The following WASL variants were observed in gnomAD, a reference collection of about 807,000 sequenced individuals.
WASL encodes WASP like actin nucleation promoting factor, also known as actin nucleation-promoting factor WASL.
A neutral mutation model predicts 55.5 loss-of-function variants in WASL; 20 were observed. The observed-to-expected ratio is 0.36, with a 90% CI of 0.25 to 0.52. The LOEUF (loss-of-function observed/expected upper bound fraction) is 0.52. WASL is among the 20% of genes least tolerant of loss of function. The pLI, the probability that WASL is intolerant of heterozygous loss-of-function variation, is 0.92. For synonymous variants in WASL, 249 were observed against 217.6 expected, an observed-to-expected ratio of 1.14 and a Z score of -1.27; for missense variants, 504 against 622.5, an observed-to-expected ratio of 0.81 and a Z score of 2.03.
intron 1 of WASL, among the ~76,000 whole-genome samples, chr7:123,748,340 C>G (rs913425144): frequency 6.6e-6 from 1 of 152,154 alleles, no homozygotes; most frequent in Non-Finnish European, 1.5e-5. Flanking sequence ...TAACCAGCAG[C>G]AAGGGCGCGG....
Position 123,692,708 on chromosome 7 carries a change from C to T in WASL, c.986G>A (p.Arg329Lys). ...TAAPPPPPPS[R>K]PSVAVPPPPP... is the part of the protein sequence containing the mutation. ...TGGTGGAGGGACTGCTACACTTGGC[C>T]TGGAAGGAGGCGGTGGTGGAGGTGC... Residue 329 changes from arginine to lysine, a missense_variant, in exon 9 of 11, where the codon AGG becomes AAG. Coordinates refer to ENST00000223023, the MANE Select transcript of WASL (RefSeq NM_003941.4). 1 of 1,517,176 alleles carries T rather than the reference C, an allele frequency of 6.6e-7. No individual in the cohort carries two copies. The highest frequency in any genetic ancestry group is 8.8e-7 in the Non-Finnish European group (1 of 1,135,188). 94.0% of individuals were successfully genotyped at this position (1,517,176 alleles called of 1,614,324 possible).
intron 1 of WASL, among the ~76,000 whole-genome samples, chr7:123,716,835 C>A (rs2116799094): frequency 6.6e-6 from 1 of 152,124 alleles, no homozygotes; most frequent in Non-Finnish European, 1.5e-5. Flanking sequence ...CACTTAATAC[C>A]ACTTCACCAT....
In WASL at chr7:123,748,692, T is replaced by C. The variant is rs1346620235; in HGVS notation, c.43A>G (p.Thr15Ala). ...GTGAGCAACAGGGACCCCACGTTGGTGACCCTCCGCGGCGGCGGCGGCTGC... is the reference window on the plus strand; with the variant it reads ...GTGAGCAACAGGGACCCCACGTTGGCGACCCTCCGCGGCGGCGGCGGCTGC... ...QQQPPPPRRV[T>A]NVGSLLLTPQ... The change falls in exon 1 of 11, where the codon ACC becomes GCC. Residue 15 changes from threonine (T) to alanine (A), a missense_variant. Thr to Ala is a moderately conservative substitution (Grantham distance 58). This residue lies in a region of WASL where 230 missense variants were observed against 271.9 expected (regional missense o/e 0.85). Coordinates refer to ENST00000223023, the MANE Select transcript of WASL (RefSeq NM_003941.4). The C allele has an allele frequency of 2.5e-6, 4 of 1,611,070 alleles. No individual in the cohort carries two copies. Among genetic ancestry groups the C allele is most frequent in the African/African-American group, 2.7e-5 (2 of 74,688 alleles).
intron 1 of WASL, among the ~76,000 whole-genome samples, chr7:123,731,853 T>C (rs1446793279): frequency 1.3e-5 from 2 of 150,604 alleles, no homozygotes; most frequent in Non-Finnish European, 3.0e-5. Flanking sequence ...CTTACGAAAC[T>C]AGAAAAGGAA....
At chr7:123,746,443 T>C (rs1194600239) in intron 1 of WASL, among the ~76,000 whole-genome samples, 1 of 152,224 alleles carries the variant, frequency 6.6e-6, no homozygotes, top group African/African-American at 2.4e-5. Context: ...TATGAGACAA[T>C]ATATTTCAGT....
At chr7:123,725,934 C>T (rs1327309208) in intron 1 of WASL, among the ~76,000 whole-genome samples, 2 of 152,036 alleles carry the variant, frequency 1.3e-5, no homozygotes, top group Non-Finnish European at 2.9e-5. Flanking sequence ...TAATTTTGGT[C>T]ACAAGAAAAG....
chr7:123,717,384 T>C (rs1803863343), intron 1 of WASL, among the ~76,000 whole-genome samples: 1 of 152,232 alleles, frequency 6.6e-6, no homozygotes, highest in Non-Finnish European at 1.5e-5. Flanking sequence ...GCCTCATGCC[T>C]AGGGGCTCCT....
intron 1 of WASL, among the ~76,000 whole-genome samples, chr7:123,720,740 T>G (rs933364300): frequency 6.0e-5 from 9 of 150,250 alleles, no homozygotes; most frequent in Non-Finnish European, 1.3e-4. Context: ...AAGCTCCGCC[T>G]CCTGGGTTCA....
chr7:123,741,799 T>A (rs903562181), intron 1 of WASL, among the ~76,000 whole-genome samples: 1 of 152,200 alleles, frequency 6.6e-6, no homozygotes, highest in South Asian at 2.1e-4. Context: ...AGAATACTGA[T>A]ACACATGGTA....
chr7:123,747,182 G>A (rs1204760457), intron 1 of WASL, among the ~76,000 whole-genome samples: 1 of 152,180 alleles, frequency 6.6e-6, no homozygotes, highest in African/African-American at 2.4e-5. Flanking sequence ...GACTAGGTGT[G>A]AGGAGTCCTG....
rs188584909 is a variant in WASL at position 123,729,804 on chromosome 7, G to A, written c.117+18814C>T. 6.0e-4 allele frequency among the ~76,000 whole-genome samples: 92 copies of A among 152,088 alleles called. No homozygotes were observed. The East Asian group carries it at 0.016, about 26-fold the overall frequency. ...CCTTAATATGAGATTGTGATAATCC[G>A]GTGTATGTTTAATCAAATAAAGTTA... On this transcript the variant is annotated intron_variant, in intron 1 of 10. Coordinates refer to ENST00000223023, the MANE Select transcript of WASL (RefSeq NM_003941.4).
rs543223036 is a variant in WASL at position 123,684,299 on chromosome 7, T to A, written c.*220A>T. 1.9e-5 allele frequency: 4 copies of A among 214,284 alleles called. No individual in the cohort carries two copies. The highest frequency in any genetic ancestry group is 3.7e-5 in the Non-Finnish European group (4 of 108,636). 13.3% of individuals were successfully genotyped at this position (214,284 alleles called of 1,614,324 possible). Reference sequence around the variant, plus strand: ...CACAAATCAAGTGAGCATCCTGGTGTAAACTTGCACACAATAACAGGGAGT... The same window carrying A: ...CACAAATCAAGTGAGCATCCTGGTGAAAACTTGCACACAATAACAGGGAGT... On this transcript the variant is annotated 3_prime_UTR_variant, in exon 11 of 11. Coordinates refer to ENST00000223023, the MANE Select transcript of WASL (RefSeq NM_003941.4).
intron 1 of WASL, among the ~76,000 whole-genome samples, chr7:123,734,061 GGGGTC>G (rs2116818621): frequency 6.6e-6 from 1 of 152,166 alleles, no homozygotes; most frequent in South Asian, 2.1e-4. Flanking sequence ...GGGTGACCTG[GGGGTC>G]GGTGATGACT....
At chr7:123,708,986 T>C in intron 2 of WASL, 103 bp downstream of exon 2, 1 of 1,116,404 alleles carries the variant, frequency 9.0e-7, no homozygotes, top group Non-Finnish European at 1.2e-6. Context: ...AGTTTATGTA[T>C]AAATTTAAAT....
intron 9 of WASL, among the ~76,000 whole-genome samples, chr7:123,690,064 T>C (rs1311131649): frequency 6.6e-6 from 1 of 152,202 alleles, no homozygotes; most frequent in Admixed American, 6.5e-5. Context: ...GTATTAACTA[T>C]TTCCAGTATA....
chr7:123,715,370 T>A (rs1302964782), intron 1 of WASL, among the ~76,000 whole-genome samples: 1 of 152,202 alleles, frequency 6.6e-6, no homozygotes, highest in Non-Finnish European at 1.5e-5. Flanking sequence ...GCCCAGTCCC[T>A]ACATTCTGGT....
chr7:123,714,462 G>A (rs1291900718), intron 1 of WASL, among the ~76,000 whole-genome samples: 1 of 152,118 alleles, frequency 6.6e-6, no homozygotes, highest in Non-Finnish European at 1.5e-5. Flanking sequence ...AATGAAGGAG[G>A]AAAACCACAA....
chr7:123,704,897 G>C (rs1803643989), intron 4 of WASL, among the ~76,000 whole-genome samples: 1 of 152,174 alleles, frequency 6.6e-6, no homozygotes, highest in African/African-American at 2.4e-5. Flanking sequence ...ACTACAGTGA[G>C]CAAATGGCAC....
intron 1 of WASL, chr7:123,720,352 A>T (rs956124995): frequency 2.3e-6 from 1 of 444,296 alleles, no homozygotes; most frequent in Non-Finnish European, 4.5e-6. Flanking sequence ...TGCAAAAAAA[A>T]AAAAAAAAAG....
Sources: allele counts gnomAD v4.1 joint callset (sites outside exome capture counted in the v4.1 genomes callset), GRCh38; gene constraint gnomAD v4.1.1; regional missense constraint gnomAD v4.1.1; transcripts MANE v1.5; gene names NCBI Gene and HGNC (gene_info 2026-07-23, HGNC 2026-07-21).